Variants in CADM2 observed in about 807,000 individuals in gnomAD.
CADM2 encodes the protein immunoglobulin superfamily member 4D.
In CADM2, 12 loss-of-function variants were observed where a neutral mutation model predicts 49.8. The observed-to-expected ratio is 0.24, with a 90% CI of 0.15 to 0.39. The LOEUF is 0.39. Ranked by LOEUF, CADM2 falls within the 10% of genes least tolerant of loss-of-function variation. CADM2 has a pLI of 1.00. For missense variants in CADM2, 378 were observed against 492.3 expected (o/e 0.77, Z 2.20); for synonymous variants, 214 against 175.4 (o/e 1.22, Z -1.74).
chr3:85,497,445 T>G (rs758136445), intron 1 of CADM2, among the ~76,000 whole-genome samples: 3 of 152,124 alleles, frequency 2.0e-5, no homozygotes, highest in African/African-American at 7.2e-5. Context: ...TATAAAATGT[T>G]ATATCTATAT....
chr3:85,050,107 C>T (rs1348599699), intron 1 of CADM2, among the ~76,000 whole-genome samples: 2 of 151,960 alleles, frequency 1.3e-5, no homozygotes, highest in Non-Finnish European at 2.9e-5. Context: ...TCCAAGATTG[C>T]TCTCGGTGTT....
chr3:85,307,436 C>T (rs2044241285), intron 1 of CADM2, among the ~76,000 whole-genome samples: 2 of 151,716 alleles, frequency 1.3e-5, no homozygotes, highest in African/African-American at 4.8e-5. Context: ...GGCTTGCCTA[C>T]TGGAATATAC....
chr3:85,026,298 C>T (rs1008820054), intron 1 of CADM2, among the ~76,000 whole-genome samples: 1 of 152,090 alleles, frequency 6.6e-6, no homozygotes, highest in Non-Finnish European at 1.5e-5. Flanking sequence ...CAAATTGTTA[C>T]ATACTAAATA....
At chr3:85,576,492 T>C (rs2062637060) in intron 1 of CADM2, among the ~76,000 whole-genome samples, 1 of 152,174 alleles carries the variant, frequency 6.6e-6, no homozygotes, top group Non-Finnish European at 1.5e-5. Flanking sequence ...AAAGTCACCT[T>C]AAAAATGTTG....
chr3:85,427,160 C>CTATATATATA lies in CADM2; in HGVS notation c.62-299330_62-299321dup, dbSNP rs35485915. Among the ~76,000 whole-genome samples the CTATATATATA allele has an allele frequency of 5.5e-4, 63 of 113,690 alleles. 1 individual carries two copies. Among genetic ancestry groups the CTATATATATA allele is most frequent in the African/African-American group, 1.5e-3 (30 of 20,464 alleles). The allele number at this position is 113,690 out of a possible 152,430, so 74.6% of individuals were successfully genotyped here. A position where few individuals can be genotyped will look rare whatever the true frequency, so the allele number is the denominator to read the frequency against. ...AACATTACTCACTGATGTATTGGAA[C>CTATATATATA]TATATATATATATATATATATATAT... On this transcript the variant is annotated intron_variant, in intron 1 of 9. Coordinates refer to ENST00000383699, the MANE Select transcript of CADM2 (RefSeq NM_001167675.2).
chr3:85,982,802 G>T (rs577898767), intron 8 of CADM2, among the ~76,000 whole-genome samples: 1 of 151,694 alleles, frequency 6.6e-6, no homozygotes, highest in Non-Finnish European at 1.5e-5. Context: ...GATTAAAAAG[G>T]ATTCATAATA....
At chr3:85,906,716 G>C (rs1329221347) in intron 5 of CADM2, among the ~76,000 whole-genome samples, 1 of 152,182 alleles carries the variant, frequency 6.6e-6, no homozygotes, top group African/African-American at 2.4e-5. Context: ...GTGCACAAAT[G>C]AATGTGGTTA....
chr3:85,613,883 G>A (rs2063736441), intron 1 of CADM2, among the ~76,000 whole-genome samples: 1 of 151,638 alleles, frequency 6.6e-6, no homozygotes, highest in Non-Finnish European at 1.5e-5. Context: ...CCTTAGACAA[G>A]TTTTATAAAT....
chr3:85,003,387 A>G (rs1027646928), intron 1 of CADM2, among the ~76,000 whole-genome samples: 1 of 152,156 alleles, frequency 6.6e-6, no homozygotes, highest in African/African-American at 2.4e-5. Context: ...AAAAAATCTT[A>G]TATTTTTAGG....
chr3:85,157,685 C>T (rs1443457126), intron 1 of CADM2, among the ~76,000 whole-genome samples: 3 of 151,548 alleles, frequency 2.0e-5, no homozygotes, highest in Non-Finnish European at 4.4e-5. Context: ...ATACAAAAAT[C>T]AATTCAAGAT....
chr3:85,619,346 T>C (rs10212294), intron 1 of CADM2, among the ~76,000 whole-genome samples: 1 of 150,898 alleles, frequency 6.6e-6, no homozygotes, highest in African/African-American at 2.4e-5. Context: ...ACTTTAAACT[T>C]TCAAAAAGAA....
At chr3:85,973,330 G>A (rs987970186) in intron 8 of CADM2, among the ~76,000 whole-genome samples, 3 of 151,586 alleles carry the variant, frequency 2.0e-5, no homozygotes, top group African/African-American at 7.3e-5. Context: ...CCATGCCTGT[G>A]GATAGCCACT....
chr3:85,282,268 C>A (rs1412219452), intron 1 of CADM2, among the ~76,000 whole-genome samples: 1 of 106,444 alleles, frequency 9.4e-6, no homozygotes, highest in African/African-American at 4.5e-5. Context: ...TTTTTTTTGC[C>A]TTTTTTTTTT....
At chr3:85,932,269 C>T (rs149599839) in intron 6 of CADM2, among the ~76,000 whole-genome samples, 263 of 152,214 alleles carry the variant, frequency 1.7e-3, no homozygotes, top group African/African-American at 5.7e-3. Flanking sequence ...AGAAATAGAG[C>T]TCTCTGAAGG....
At chr3:84,972,508 T>C (rs1244295054) in intron 1 of CADM2, among the ~76,000 whole-genome samples, 3 of 152,228 alleles carry the variant, frequency 2.0e-5, no homozygotes, top group Non-Finnish European at 4.4e-5. Context: ...TTGGCCTGAG[T>C]TTGAGCCATA....
chr3:85,957,332 T>TA (rs2108603263), intron 7 of CADM2, among the ~76,000 whole-genome samples: 1 of 151,864 alleles, frequency 6.6e-6, no homozygotes, highest in East Asian at 2.0e-4. Context: ...ATATATTATA[T>TA]TTTTCCAATA....
intron 1 of CADM2, among the ~76,000 whole-genome samples, chr3:85,527,231 A>T (rs899851222): frequency 6.6e-6 from 1 of 151,798 alleles, no homozygotes; most frequent in Non-Finnish European, 1.5e-5. Flanking sequence ...CAAAATATTT[A>T]AAAATGAGCT....
At chr3:85,939,171 A>G (rs1721531918) in intron 7 of CADM2, among the ~76,000 whole-genome samples, 1 of 152,020 alleles carries the variant, frequency 6.6e-6, no homozygotes, top group African/African-American at 2.4e-5. Flanking sequence ...AATCATGCCT[A>G]TTTGCCTGCT....
intron 8 of CADM2, among the ~76,000 whole-genome samples, chr3:85,985,377 TCAC>T (rs1256285315): frequency 2.0e-5 from 3 of 152,050 alleles, no homozygotes; most frequent in African/African-American, 7.2e-5. Context: ...CTTAATATCA[TCAC>T]CTTGAGGGTT....
Sources: allele counts gnomAD v4.1 joint callset (sites outside exome capture counted in the v4.1 genomes callset), GRCh38; gene constraint gnomAD v4.1.1; transcripts MANE v1.5; gene names NCBI Gene and HGNC (gene_info 2026-07-23, HGNC 2026-07-21).